Variants in CALN1 observed in about 807,000 individuals in gnomAD.
The protein encoded by CALN1 is calcium-binding protein 8.
CALN1 carries 17 observed loss-of-function variants against 30.6 expected under a neutral mutation model. The observed-to-expected ratio is 0.56, with a 90% CI of 0.38 to 0.83. CALN1 has a LOEUF of 0.83. Among genes scored for constraint, CALN1 ranks in the 40% least tolerant of loss-of-function variants. The pLI is 0.00. For missense variants in CALN1, 291 were observed against 354.9 expected, an observed-to-expected ratio of 0.82 and a Z score of 1.45; for synonymous variants, 156 against 131.4, an observed-to-expected ratio of 1.19 and a Z score of -1.28.
rs1425928233 is a variant in CALN1 at position 72,212,671 on chromosome 7, A to G, written c.244+66015T>C. On this transcript the variant is annotated intron_variant, in intron 3 of 6. Transcript: ENST00000395275. ...CACTACAAAGAATAAAAAATGAGCC[A>G]GGCCTGGTGGCACACACCTATAGTC... Among the ~76,000 whole-genome samples the G allele has an allele frequency of 2.6e-5, 4 of 152,158 alleles. No individual in the cohort carries two copies. The East Asian group carries it at 7.8e-4, about 30-fold the overall frequency.
intron 2 of CALN1, among the ~76,000 whole-genome samples, chr7:72,299,688 T>C (rs773020944): frequency 1.7e-3 from 205 of 118,364 alleles, no homozygotes; most frequent in Admixed American, 2.7e-3. Context: ...GATGCTCTTA[T>C]CTTTTTTTTT....
intron 3 of CALN1, among the ~76,000 whole-genome samples, chr7:72,124,265 T>A (rs117790567): frequency 0.011 from 1,730 of 152,256 alleles, 15 homozygotes; most frequent in Middle Eastern, 0.041. Context: ...ACTCAATACA[T>A]AGACTACAAT....
chr7:72,115,484 C>CTTTTTTT (rs71069026), intron 3 of CALN1, among the ~76,000 whole-genome samples: 9 of 80,600 alleles, frequency 1.1e-4, no homozygotes, highest in African/African-American at 3.9e-4. Context: ...CATATACATT[C>CTTTTTTT]TTTTTTTTTT....
At chr7:72,261,040 G>A (rs1796237226) in intron 3 of CALN1, among the ~76,000 whole-genome samples, 1 of 152,198 alleles carries the variant, frequency 6.6e-6, no homozygotes, top group Admixed American at 6.5e-5. Context: ...GGGCACGGTG[G>A]CTCTCGCCTG....
chr7:71,859,616 T>G (rs1791157239), intron 5 of CALN1, among the ~76,000 whole-genome samples: 1 of 152,158 alleles, frequency 6.6e-6, no homozygotes, highest in Non-Finnish European at 1.5e-5. Context: ...CTCTGCTCAT[T>G]CCAAACTTGA....
chr7:72,002,108 T>C (rs183900595), intron 5 of CALN1, among the ~76,000 whole-genome samples: 17 of 152,318 alleles, frequency 1.1e-4, no homozygotes, highest in African/African-American at 4.1e-4. Context: ...ATGCTTTCTC[T>C]ATAAGATTGG....
At chr7:71,945,628 C>T (rs941953755) in intron 5 of CALN1, among the ~76,000 whole-genome samples, 7 of 152,132 alleles carry the variant, frequency 4.6e-5, no homozygotes, top group African/African-American at 1.2e-4. Flanking sequence ...ACTGCACACG[C>T]GAGGGATCTA....
chr7:72,089,072 A>G (rs1301429634), intron 4 of CALN1, among the ~76,000 whole-genome samples: 1 of 152,130 alleles, frequency 6.6e-6, no homozygotes, highest in Non-Finnish European at 1.5e-5. Context: ...TGTTTCTAAT[A>G]TTATTATAAA....
chr7:72,443,031 C>T (rs1808406944), intron 1 of CALN1, among the ~76,000 whole-genome samples: 1 of 152,202 alleles, frequency 6.6e-6, no homozygotes, highest in Admixed American at 6.5e-5. Context: ...TAGGGTTGCA[C>T]TTATTTAGGA....
intron 2 of CALN1, among the ~76,000 whole-genome samples, chr7:72,351,971 A>G (rs1312505874): frequency 2.6e-5 from 4 of 152,110 alleles, no homozygotes; most frequent in African/African-American, 9.7e-5. Context: ...GTGCCACAAA[A>G]TAATTCTCAG....
At chr7:72,090,603 A>C (rs1805790957) in intron 4 of CALN1, among the ~76,000 whole-genome samples, 1 of 152,182 alleles carries the variant, frequency 6.6e-6, no homozygotes, top group South Asian at 2.1e-4. Flanking sequence ...ACCCACAAAA[A>C]CATCAATTCC....
intron 5 of CALN1, among the ~76,000 whole-genome samples, chr7:71,927,358 C>CA (rs1407781650): frequency 3.9e-5 from 6 of 152,222 alleles, no homozygotes; most frequent in African/African-American, 1.4e-4. Context: ...CACAGGCGTG[C>CA]ACCACCATGC....
chr7:72,296,820 C>A (rs1798898292), intron 2 of CALN1, among the ~76,000 whole-genome samples: 1 of 150,752 alleles, frequency 6.6e-6, no homozygotes, highest in Non-Finnish European at 1.5e-5. Context: ...CTCCTGGATT[C>A]ATTGATTTTT....
At chr7:72,006,342 T>A (rs940369777) in intron 5 of CALN1, among the ~76,000 whole-genome samples, 1 of 152,140 alleles carries the variant, frequency 6.6e-6, no homozygotes, top group Non-Finnish European at 1.5e-5. Context: ...ATTGTTCCAT[T>A]TAATTTAGGA....
chr7:72,132,039 G>A (rs374661025), intron 3 of CALN1, among the ~76,000 whole-genome samples: 12 of 152,214 alleles, frequency 7.9e-5, no homozygotes, highest in African/African-American at 2.6e-4. Context: ...GTCGCTCAAT[G>A]TATATGCAAT....
chr7:72,215,530 G>A (rs1384153652), intron 3 of CALN1, among the ~76,000 whole-genome samples: 1 of 145,944 alleles, frequency 6.9e-6, no homozygotes, highest in Non-Finnish European at 1.5e-5. Context: ...AGAAGCAGAG[G>A]TTGCAGTGAG....
chr7:71,981,834 G>A (rs1798412197), intron 5 of CALN1, among the ~76,000 whole-genome samples: 1 of 152,062 alleles, frequency 6.6e-6, no homozygotes, highest in African/African-American at 2.4e-5. Context: ...TGGTGTGGGA[G>A]GAAAACCCCT....
intron 5 of CALN1, among the ~76,000 whole-genome samples, chr7:71,844,110 T>G (rs1397447666): frequency 6.6e-6 from 1 of 152,272 alleles, no homozygotes; most frequent in East Asian, 1.9e-4. Flanking sequence ...ATGATTTTCC[T>G]TTCTCCATAG....
At chr7:71,948,122 T>C (rs1796499808) in intron 5 of CALN1, among the ~76,000 whole-genome samples, 1 of 151,994 alleles carries the variant, frequency 6.6e-6, no homozygotes, top group South Asian at 2.1e-4. Context: ...AAAGGTACCT[T>C]GAGCCAGCAC....
Sources: allele counts gnomAD v4.1 joint callset (sites outside exome capture counted in the v4.1 genomes callset), GRCh38; gene constraint gnomAD v4.1.1; transcripts MANE v1.5; gene names NCBI Gene and HGNC (gene_info 2026-07-23, HGNC 2026-07-21).